CASZ1: variants seen among roughly 807,000 people sequenced by gnomAD.
The protein encoded by CASZ1 is zinc finger protein castor homolog 1.
Under a neutral mutation model 135.2 loss-of-function variants are expected in CASZ1, and 28 were observed. The ratio of observed to expected loss-of-function variants is 0.21; its 90% CI spans 0.15 to 0.28. The LOEUF (loss-of-function observed/expected upper bound fraction) is 0.28. Ranked by LOEUF, CASZ1 falls within the 10% of genes least tolerant of loss-of-function variation. The pLI is 1.00. For synonymous variants in CASZ1, 1,068 were observed against 1,073.4 expected (o/e 0.99, Z 0.10); for missense variants, 2,161 against 2,453.3 (o/e 0.88, Z 2.52).
intron 4 of CASZ1, among the ~76,000 whole-genome samples, chr1:10,667,775 G>A (rs1481063485): frequency 1.3e-5 from 2 of 152,108 alleles, no homozygotes; most frequent in African/African-American, 4.8e-5. Flanking sequence ...TCCCAGGGCC[G>A]CACTTGCTGC....
chr1:10,743,561 A>G (rs773206607), intron 2 of CASZ1, among the ~76,000 whole-genome samples: 15 of 148,970 alleles, frequency 1.0e-4, no homozygotes, highest in Non-Finnish European at 1.8e-4. Flanking sequence ...AACAGAGTTG[A>G]GCCATTTCAA....
At chr1:10,662,451 C>T (rs1051709443) in intron 5 of CASZ1, among the ~76,000 whole-genome samples, 2 of 151,880 alleles carry the variant, frequency 1.3e-5, no homozygotes, top group Admixed American at 6.6e-5. Flanking sequence ...CACTCTCACC[C>T]GCACATACGC....
Position 10,759,394 on chromosome 1 carries a change from T to C in CASZ1, c.-77+1307A>G, listed in dbSNP as rs1313047041. 6.6e-6 allele frequency among the ~76,000 whole-genome samples: 1 copy of C among 152,144 alleles called. No homozygotes were observed. Reference sequence around the variant, plus strand: ...GTGACAGTCTAAACAGCCCCGGTGCTATCCAGGGGACAACGGCAGCACATC... The same window carrying C: ...GTGACAGTCTAAACAGCCCCGGTGCCATCCAGGGGACAACGGCAGCACATC... On this transcript the variant is annotated intron_variant, in intron 2 of 20. Coordinates refer to ENST00000377022, the MANE Select transcript of CASZ1 (RefSeq NM_001079843.3). This position sits in a 1 kb window ranked among gnomAD's most constrained non-coding sequence, Gnocchi z 4.2.
At chr1:10,791,317 A>G (rs899424684) in intron 1 of CASZ1, among the ~76,000 whole-genome samples, 13 of 152,272 alleles carry the variant, frequency 8.5e-5, no homozygotes, top group African/African-American at 2.7e-4. Context: ...TGAAGCAAAA[A>G]GAAAAACTTA....
At chr1:10,692,775 G>A (rs531435105) in intron 4 of CASZ1, among the ~76,000 whole-genome samples, 1 of 152,202 alleles carries the variant, frequency 6.6e-6, no homozygotes, top group Non-Finnish European at 1.5e-5. Context: ...TCAGATATCA[G>A]CTCATGGGTC....
At chr1:10,685,836 G>A (rs1638568908) in intron 4 of CASZ1, among the ~76,000 whole-genome samples, 1 of 152,244 alleles carries the variant, frequency 6.6e-6, no homozygotes, top group African/African-American at 2.4e-5. Flanking sequence ...GGGATACCCA[G>A]GAAGCTCCTG....
At position 10,709,703 on chromosome 1, in the gene CASZ1, GA is replaced by G. The variant is rs1415509635; in HGVS notation, c.-76-4160del. ...GCTGCCCGGAGGACGGCTGGGGAGAGAAAGGCCCCAGGCAGGGGCTGAGCAG... is the reference window on the plus strand; with the variant it reads ...GCTGCCCGGAGGACGGCTGGGGAGAGAAGGCCCCAGGCAGGGGCTGAGCAG... On this transcript the variant is annotated intron_variant, in intron 2 of 20. Transcript: ENST00000377022. This position sits in a 1 kb window ranked among gnomAD's most constrained non-coding sequence, Gnocchi z 5.1. Among the ~76,000 whole-genome samples, 1 of 152,200 alleles carries G rather than the reference GA, an allele frequency of 6.6e-6. No homozygotes were observed. Among genetic ancestry groups the G allele is most frequent in the Non-Finnish European group, 1.5e-5 (1 of 68,032 alleles).
Position 10,694,101 on chromosome 1 carries a change from C to A in CASZ1, c.-23-189G>T. Among the ~76,000 whole-genome samples the A allele has an allele frequency of 6.6e-6, 1 of 151,542 alleles. No homozygotes were observed. Among genetic ancestry groups the A allele is most frequent in the South Asian group, 2.1e-4 (1 of 4,832 alleles). ...CGCTTCTCACGCTCGGCCCCGCACG[C>A]GCCCGCGGGTCCGCGCCGCCTGAGT... On this transcript the variant is annotated intron_variant, in intron 3 of 20. Coordinates refer to ENST00000377022, the MANE Select transcript of CASZ1 (RefSeq NM_001079843.3). This position sits in a 1 kb window ranked among gnomAD's most constrained non-coding sequence, Gnocchi z 6.6.
At position 10,655,813 on chromosome 1, in the gene CASZ1, T is replaced by TGGCG. The variant is rs1642769773; in HGVS notation, c.1501-1_1501insCGCC (p.Phe502GlnfsTer5). The TGGCG allele has an allele frequency of 6.2e-7, 1 of 1,613,310 alleles. No individual in the cohort carries two copies. Among genetic ancestry groups the TGGCG allele is most frequent in the Admixed American group, 1.7e-5 (1 of 60,004 alleles). ...ATCACGTCCTGCTTACTCGTGAACC[T>TGGCG]CTGCCAGGAGACAGCGCCACGTGGG... On this transcript the variant is annotated frameshift_variant and splice_region_variant. Coordinates refer to ENST00000377022, the MANE Select transcript of CASZ1 (RefSeq NM_001079843.3). LOFTEE classifies it high-confidence loss of function.
At chr1:10,665,712 G>T in intron 4 of CASZ1, 141 bp from the exon 5 acceptor site, 1 of 914,486 alleles carries the variant, frequency 1.1e-6, no homozygotes, top group Non-Finnish European at 1.6e-6. Context: ...AGACTGCCTG[G>T]CATGTGTCTA....
At chr1:10,658,272 T>A (rs1235761803) in intron 7 of CASZ1, 13 of 525,792 alleles carry the variant, frequency 2.5e-5, no homozygotes, top group Middle Eastern at 4.8e-4. Context: ...CGGCCCTAAC[T>A]GGGGGCACAG....
At chr1:10,761,459 G>T (rs1640373167) in intron 1 of CASZ1, among the ~76,000 whole-genome samples, 1 of 152,104 alleles carries the variant, frequency 6.6e-6, no homozygotes, top group African/African-American at 2.4e-5. Context: ...GGTACTGTGG[G>T]ACTCAATTTC....
At chr1:10,723,359 C>G (rs887990532) in intron 2 of CASZ1, among the ~76,000 whole-genome samples, 1 of 152,218 alleles carries the variant, frequency 6.6e-6, no homozygotes, top group Non-Finnish European at 1.5e-5. Context: ...TCCTAGGGGG[C>G]TCTGGGGTGT....
At position 10,701,590 on chromosome 1, in the gene CASZ1, C is replaced by A. The variant is rs1252542491; in HGVS notation, c.-24+3902G>T. On this transcript the variant is annotated intron_variant, in intron 3 of 20. Coordinates refer to ENST00000377022, the MANE Select transcript of CASZ1 (RefSeq NM_001079843.3). This position sits in a 1 kb window ranked among gnomAD's most constrained non-coding sequence, Gnocchi z 6.3. ...GCAAAGGGCTGGAGGGAGAACAGTG[C>A]GGGAGAGAGGAAGTACCACCAGGGC... Among the ~76,000 whole-genome samples, 3 of 152,168 alleles carry A rather than the reference C, an allele frequency of 2.0e-5. No individual in the cohort carries two copies.
intron 4 of CASZ1, among the ~76,000 whole-genome samples, chr1:10,673,991 G>A (rs968260331): frequency 1.1e-4 from 16 of 152,242 alleles, no homozygotes; most frequent in African/African-American, 3.9e-4. Context: ...CGCAGTGCCT[G>A]GATCAGAGCA....
At position 10,666,378 on chromosome 1, in the gene CASZ1, C is replaced by T. The variant is rs1165435418; in HGVS notation, c.17-807G>A. On this transcript the variant is annotated intron_variant, in intron 4 of 20. Coordinates refer to ENST00000377022, the MANE Select transcript of CASZ1 (RefSeq NM_001079843.3). The surrounding 1 kb of genome is among the most constrained non-coding windows in gnomAD (Gnocchi z 5.2). ...TCCTGTTGCCACTCCCTTCCCCAAGCCTCAGTCAGAGCCATCCAAGTGGAG... is the reference window on the plus strand; with the variant it reads ...TCCTGTTGCCACTCCCTTCCCCAAGTCTCAGTCAGAGCCATCCAAGTGGAG... 1.3e-5 allele frequency among the ~76,000 whole-genome samples: 2 copies of T among 152,164 alleles called. No individual in the cohort carries two copies. Among genetic ancestry groups the T allele is most frequent in the African/African-American group, 2.4e-5 (1 of 41,438 alleles).
intron 4 of CASZ1, among the ~76,000 whole-genome samples, chr1:10,665,824 G>A (rs192318713): frequency 4.6e-5 from 7 of 151,580 alleles, no homozygotes; most frequent in Non-Finnish European, 1.0e-4. Context: ...TCAAGAACTA[G>A]TCTGTAAATG....
chr1:10,779,341 A>G (rs1440278478), intron 1 of CASZ1, among the ~76,000 whole-genome samples: 1 of 126,696 alleles, frequency 7.9e-6, no homozygotes, highest in Admixed American at 8.7e-5. Context: ...GACAAAAGCT[A>G]TTGTTGCACA....
Position 10,697,740 on chromosome 1 carries a change from C to A in CASZ1, c.-23-3828G>T, listed in dbSNP as rs75799176. Among the ~76,000 whole-genome samples the A allele has an allele frequency of 1.3e-5, 2 of 152,246 alleles. No individual in the cohort carries two copies. The highest frequency in any genetic ancestry group is 2.9e-5 in the Non-Finnish European group (2 of 68,046). On this transcript the variant is annotated intron_variant, in intron 3 of 20. Transcript: ENST00000377022. The surrounding 1 kb of genome is among the most constrained non-coding windows in gnomAD (Gnocchi z 4.7). ...AACTTTCACATAAACTTGAACAAAGCTCCTTTTGTTATTGCACCCCACCCC... is the reference window on the plus strand; with the variant it reads ...AACTTTCACATAAACTTGAACAAAGATCCTTTTGTTATTGCACCCCACCCC...
Sources: gnomAD v4.1 joint callset for allele counts (sites outside exome capture counted in the v4.1 genomes callset) on GRCh38, gnomAD v4.1.1 for gene constraint, Gnocchi (gnomAD v3.1) non-coding constraint, MANE v1.5 for transcripts, NCBI Gene and HGNC (gene_info 2026-07-23, HGNC 2026-07-21) for gene names.